Variants in TRIM44 observed in about 807,000 individuals in gnomAD.
TRIM44 encodes tripartite motif-containing protein 44.
In TRIM44, 13 loss-of-function variants were observed where a neutral mutation model predicts 37.4. The observed-to-expected ratio is 0.35, with a 90% CI of 0.23 to 0.55. The LOEUF (loss-of-function observed/expected upper bound fraction) is 0.55, where lower values mean the gene tolerates loss of function less well. Ranked by LOEUF, TRIM44 falls within the 20% of genes least tolerant of loss-of-function variation. The probability of loss-of-function intolerance (pLI) is 0.89; values close to 1 mark genes in which losing one functional copy is unlikely to be tolerated. For missense variants in TRIM44, 426 were observed against 437.2 expected (o/e 0.97, Z 0.23); for synonymous variants, 175 against 157.2 (o/e 1.11, Z -0.85).
intron 4 of TRIM44, among the ~76,000 whole-genome samples, chr11:35,772,017 C>T (rs1852879702): frequency 6.6e-6 from 1 of 152,138 alleles, no homozygotes; most frequent in Non-Finnish European, 1.5e-5. Context: ...GTGCTGTGTG[C>T]AGCCTAGGAA....
At chr11:35,705,216 C>A (rs1368334808) in intron 2 of TRIM44, among the ~76,000 whole-genome samples, 1 of 151,408 alleles carries the variant, frequency 6.6e-6, no homozygotes, top group African/African-American at 2.4e-5. Flanking sequence ...AGCTAACTAT[C>A]CTAAATATAT....
chr11:35,738,746 GT>G (rs1447094950), intron 4 of TRIM44, among the ~76,000 whole-genome samples: 1 of 152,152 alleles, frequency 6.6e-6, no homozygotes, highest in East Asian at 1.9e-4. Context: ...AGAGTTTGAT[GT>G]ATAAGGAACG....
chr11:35,796,106 A>G (rs905832762), intron 4 of TRIM44, among the ~76,000 whole-genome samples: 5 of 152,340 alleles, frequency 3.3e-5, no homozygotes, highest in South Asian at 2.1e-4. Flanking sequence ...ACCCGCTGCC[A>G]TATGAAAAGT....
intron 4 of TRIM44, among the ~76,000 whole-genome samples, chr11:35,800,459 A>C (rs750984152): frequency 2.0e-5 from 3 of 152,054 alleles, no homozygotes; most frequent in Non-Finnish European, 4.4e-5. Flanking sequence ...TGATTCGTGC[A>C]TTTTTACAGA....
chr11:35,745,052 A>G (rs1357611602), intron 4 of TRIM44, among the ~76,000 whole-genome samples: 1 of 152,182 alleles, frequency 6.6e-6, no homozygotes, highest in East Asian at 1.9e-4. Context: ...TATCTTTATA[A>G]TAGAATGATT....
chr11:35,663,153 C>T lies in TRIM44; in HGVS notation c.42C>T (p.His14=). The T allele has an allele frequency of 1.3e-6, 2 of 1,550,346 alleles. No homozygotes were observed. The highest frequency in any genetic ancestry group is 8.7e-7 in the Non-Finnish European group (1 of 1,149,228). The change falls in exon 1 of 5, where the codon CAC becomes CAT. Residue 14 remains histidine (H), a synonymous_variant. Coordinates refer to ENST00000299413, the MANE Select transcript of TRIM44 (RefSeq NM_017583.6). ...GCGCGGCCTTCGAGGAACTGCCTCA[C>T]GACGGCACGTGTGACGAGTGCGAGC... ...GVGAAFEELP[H]DGTCDECEPD...
At chr11:35,754,750 C>T (rs536228832) in intron 4 of TRIM44, among the ~76,000 whole-genome samples, 7 of 150,308 alleles carry the variant, frequency 4.7e-5, no homozygotes, top group South Asian at 2.1e-4. Context: ...TGAGAACATG[C>T]GGTGTTTGGT....
chr11:35,805,707 G>C (rs1319741034), intron 4 of TRIM44, among the ~76,000 whole-genome samples: 1 of 152,196 alleles, frequency 6.6e-6, no homozygotes, highest in Non-Finnish European at 1.5e-5. Context: ...ATAAAGTGTT[G>C]CTATTCTTAT....
chr11:35,791,380 G>A (rs1049118008), intron 4 of TRIM44, among the ~76,000 whole-genome samples: 4 of 152,074 alleles, frequency 2.6e-5, no homozygotes, highest in Non-Finnish European at 4.4e-5. Flanking sequence ...TATATTTTAA[G>A]CATAGCCCTT....
At chr11:35,694,218 G>T (rs961820733) in intron 2 of TRIM44, among the ~76,000 whole-genome samples, 1 of 152,112 alleles carries the variant, frequency 6.6e-6, no homozygotes, top group East Asian at 1.9e-4. Flanking sequence ...AGAAGAATCC[G>T]CTATAGAGCC....
chr11:35,763,920 T>C (rs991900604), intron 4 of TRIM44, among the ~76,000 whole-genome samples: 1 of 152,198 alleles, frequency 6.6e-6, no homozygotes. Flanking sequence ...CCAGTGTCTT[T>C]GGTATCTTGG....
chr11:35,742,623 G>A (rs1271058167), intron 4 of TRIM44, among the ~76,000 whole-genome samples: 1 of 122,608 alleles, frequency 8.2e-6, no homozygotes, highest in Non-Finnish European at 1.6e-5. Context: ...TATATTAATT[G>A]TATTTTATAT....
At position 35,815,682 on chromosome 11, in the gene TRIM44, G is replaced by A; in HGVS notation, c.*9297G>A. On this transcript the variant is annotated 3_prime_UTR_variant, in exon 5 of 5. Transcript: ENST00000299413. ...TTATGTACTCAAAACAAGCTTTCCT[G>A]TTAATCTCTTTCTCTTACCTCTATT... 6.6e-6 allele frequency: 1 copy of A among 152,144 alleles called. No homozygotes were observed. Among genetic ancestry groups the A allele is most frequent in the East Asian group, 1.9e-4 (1 of 5,192 alleles). The allele number at this position is 152,144 out of a possible 1,614,324, so 9.4% of individuals were successfully genotyped here.
rs1564979814 is a variant in TRIM44 at position 35,725,638 on chromosome 11, A to AT, written c.748-280dup. ...TTCATGAGCCACCACGCCCGGCCTCATTTTTTACTGTATATATTCATCGTA... is the reference window on the plus strand; with the variant it reads ...TTCATGAGCCACCACGCCCGGCCTCATTTTTTTACTGTATATATTCATCGTA... On this transcript the variant is annotated intron_variant, in intron 2 of 4. Transcript: ENST00000299413. Among the ~76,000 whole-genome samples, 3 of 152,224 alleles carry AT rather than the reference A, an allele frequency of 2.0e-5. No homozygotes were observed. The South Asian group carries it at 6.2e-4, about 32-fold the overall frequency.
chr11:35,693,664 T>C (rs1851663369), intron 2 of TRIM44, among the ~76,000 whole-genome samples: 1 of 152,084 alleles, frequency 6.6e-6, no homozygotes. Flanking sequence ...TTTTAAAAAA[T>C]TTCCCCTTTT....
intron 2 of TRIM44, among the ~76,000 whole-genome samples, chr11:35,704,535 G>A (rs1487727852): frequency 6.6e-6 from 1 of 152,184 alleles, no homozygotes; most frequent in Non-Finnish European, 1.5e-5. Context: ...CCCACAAAGG[G>A]AAGCCCATCA....
chr11:35,806,057 C>T (rs1382299807), intron 4 of TRIM44, among the ~76,000 whole-genome samples: 2 of 152,160 alleles, frequency 1.3e-5, no homozygotes, highest in African/African-American at 4.8e-5. Context: ...CTCTCACCTG[C>T]TCCTTTAAAT....
intron 1 of TRIM44, among the ~76,000 whole-genome samples, chr11:35,675,715 T>C (rs1851452996): frequency 6.6e-6 from 1 of 152,144 alleles, no homozygotes; most frequent in Non-Finnish European, 1.5e-5. Flanking sequence ...AGAGACGGGG[T>C]TTCACTATTT....
At chr11:35,700,314 C>G (rs1406615039) in intron 2 of TRIM44, among the ~76,000 whole-genome samples, 1 of 152,056 alleles carries the variant, frequency 6.6e-6, no homozygotes, top group East Asian at 1.9e-4. Flanking sequence ...TTTTTTTTTA[C>G]AAGATTAATT....
Sources: allele counts gnomAD v4.1 joint callset (sites outside exome capture counted in the v4.1 genomes callset), GRCh38; gene constraint gnomAD v4.1.1; transcripts MANE v1.5; gene names NCBI Gene and HGNC (gene_info 2026-07-23, HGNC 2026-07-21).